The following PCDHA12 variants were observed in gnomAD, a reference collection of about 807,000 sequenced individuals.
PCDHA12 encodes the protein protocadherin alpha-12.
In PCDHA12, 44 loss-of-function variants were observed where a neutral mutation model predicts 60.0. The ratio of observed to expected loss-of-function variants is 0.73; its 90% confidence interval spans 0.58 to 0.94. The LOEUF (loss-of-function observed/expected upper bound fraction) is 0.94. Among genes scored for constraint, PCDHA12 ranks in the 40% least tolerant of loss-of-function variants. PCDHA12 has a pLI of 0.00. For synonymous variants in PCDHA12, 569 were observed against 553.0 expected (o/e 1.03, Z -0.40); for missense variants, 1,276 against 1,239.7 (o/e 1.03, Z -0.44).
intron 1 of PCDHA12, among the ~76,000 whole-genome samples, chr5:140,918,404 T>C (rs2078676215): frequency 6.6e-6 from 1 of 152,196 alleles, no homozygotes; most frequent in Admixed American, 6.5e-5. Context: ...CTGATTTCTC[T>C]GGCCAGGACT....
In PCDHA12 at chr5:140,877,388, A is replaced by G. The variant is rs1186041410; in HGVS notation, c.1916A>G (p.Glu639Gly). Residue 639 changes from glutamate to glycine, a missense_variant, in exon 1 of 4, where the codon GAG becomes GGG. Coordinates refer to ENST00000398631, the MANE Select transcript of PCDHA12 (RefSeq NM_018903.4). ...ATCAGCACGACACGCATCCTGGATG[A>G]GGCGGACGCTCCGCGCCACCGCCTG... ...GEISTTRILDEADAPRHRLLV... is the reference protein window; with the variant it reads ...GEISTTRILDGADAPRHRLLV... 8.7e-6 allele frequency: 14 copies of G among 1,613,802 alleles called. No individual in the cohort carries two copies. The highest frequency in any genetic ancestry group is 1.2e-5 in the Non-Finnish European group (14 of 1,179,884).
In PCDHA12 at chr5:140,906,570, T is replaced by C. The variant is rs371493282; in HGVS notation, c.2367+28731T>C. ...TGCAACTGGTTGTGTGGTTCATAGCTGGTATTGATGACTACCTTCCTCTAC... is the reference window on the plus strand; with the variant it reads ...TGCAACTGGTTGTGTGGTTCATAGCCGGTATTGATGACTACCTTCCTCTAC... On this transcript the variant is annotated intron_variant, in intron 1 of 3. Coordinates refer to ENST00000398631, the MANE Select transcript of PCDHA12 (RefSeq NM_018903.4). 1.7e-4 allele frequency among the ~76,000 whole-genome samples: 26 copies of C among 152,230 alleles called. No homozygotes were observed. In the East Asian group the frequency reaches 2.1e-3, roughly 12 times the overall value.
At chr5:140,911,258 T>C (rs265316) in intron 1 of PCDHA12, among the ~76,000 whole-genome samples, 87,913 of 151,980 alleles carry the variant, frequency 0.58, 26,381 homozygotes, top group African/African-American at 0.75. Flanking sequence ...TCAGAATTTA[T>C]AATCTCAGTG....
intron 1 of PCDHA12, chr5:140,926,624 G>A (rs2083414676): frequency 5.0e-6 from 2 of 400,148 alleles, no homozygotes; most frequent in Admixed American, 8.6e-5. Context: ...CCTAGGCGGC[G>A]CTGCGCTCCT....
At chr5:141,000,415 A>AT (rs1563651650) in intron 3 of PCDHA12, among the ~76,000 whole-genome samples, 6 of 87,394 alleles carry the variant, frequency 6.9e-5, no homozygotes, top group African/African-American at 1.5e-4. Flanking sequence ...ATATATATAT[A>AT]TATATATTTT....
intron 3 of PCDHA12, among the ~76,000 whole-genome samples, chr5:141,002,161 G>T (rs1554258540): frequency 6.6e-6 from 1 of 152,208 alleles, no homozygotes; most frequent in Non-Finnish European, 1.5e-5. Flanking sequence ...CAGAGTGGGC[G>T]GTAGGCAGGC....
rs782333249 is a variant in PCDHA12 at position 140,978,931 on chromosome 5, CTCTT to C, written c.2368-16_2368-13del. On this transcript the variant is annotated splice_polypyrimidine_tract_variant and intron_variant, in intron 1 of 3. Coordinates refer to ENST00000398631, the MANE Select transcript of PCDHA12 (RefSeq NM_018903.4). ...TGTCTTGTCATTTTAACAGAAAACTCTCTTTGTGATTTTGCAGCCACGACAGCCC... is the reference window on the plus strand; with the variant it reads ...TGTCTTGTCATTTTAACAGAAAACTCTGTGATTTTGCAGCCACGACAGCCC... 4.3e-6 allele frequency: 7 copies of C among 1,614,126 alleles called. No individual in the cohort carries two copies. The Admixed American group carries it at 6.7e-5, about 15-fold the overall frequency.
At chr5:140,982,348 T>A (rs1253085859) in intron 2 of PCDHA12, 127 bp from the exon 3 acceptor site, 1 of 1,496,080 alleles carries the variant, frequency 6.7e-7, no homozygotes, top group East Asian at 2.4e-5. Flanking sequence ...TTGCTTCAGT[T>A]CAAGCATGAG....
At chr5:140,913,810 T>C (rs2076475017) in intron 1 of PCDHA12, among the ~76,000 whole-genome samples, 1 of 152,224 alleles carries the variant, frequency 6.6e-6, no homozygotes, top group South Asian at 2.1e-4. Context: ...AAATTTTCAA[T>C]TTCCTTTTAA....
intron 1 of PCDHA12, chr5:140,927,524 C>G (rs781824669): frequency 1.2e-6 from 2 of 1,614,104 alleles, no homozygotes; most frequent in Admixed American, 1.7e-5. Flanking sequence ...GGCGGGCTAC[C>G]TGCCCGCTCA....
At chr5:140,955,477 C>T (rs1401684156) in intron 1 of PCDHA12, among the ~76,000 whole-genome samples, 2 of 152,128 alleles carry the variant, frequency 1.3e-5, no homozygotes, top group African/African-American at 4.8e-5. Context: ...CTTGGCACCT[C>T]TCCTTCCTGC....
chr5:141,000,371 CT>C (rs2153963893), intron 3 of PCDHA12, among the ~76,000 whole-genome samples: 1 of 49,262 alleles, frequency 2.0e-5, no homozygotes, highest in East Asian at 6.6e-4. Context: ...GTCTCTCTCT[CT>C]CTCTCTCTCT....
intron 1 of PCDHA12, chr5:140,928,280 C>T (rs781831365): frequency 6.2e-7 from 1 of 1,614,076 alleles, no homozygotes; most frequent in African/African-American, 1.3e-5. Context: ...CCTGGGGCCT[C>T]TCTAGGCCGA....
At chr5:141,005,303 A>T (rs2098205194) in intron 3 of PCDHA12, among the ~76,000 whole-genome samples, 2 of 152,212 alleles carry the variant, frequency 1.3e-5, no homozygotes, top group Non-Finnish European at 2.9e-5. Context: ...TGCCTTTGTG[A>T]ATCTTACAGT....
chr5:140,898,275 T>C (rs13181478), intron 1 of PCDHA12, among the ~76,000 whole-genome samples: 1 of 152,166 alleles, frequency 6.6e-6, no homozygotes, highest in Non-Finnish European at 1.5e-5. Context: ...ATGCCTAAGT[T>C]CTGAATGGTA....
At chr5:140,943,717 T>A (rs1269511670) in intron 1 of PCDHA12, among the ~76,000 whole-genome samples, 1 of 152,108 alleles carries the variant, frequency 6.6e-6, no homozygotes, top group Non-Finnish European at 1.5e-5. Context: ...CATTTAAAGG[T>A]CTGAGAGAAT....
At position 140,876,192 on chromosome 5, in the gene PCDHA12, G is replaced by A. The variant is rs782181168; in HGVS notation, c.720G>A (p.Pro240=). The A allele has an allele frequency of 3.7e-6, 6 of 1,613,732 alleles. No homozygotes were observed. The highest frequency in any genetic ancestry group is 1.3e-5 in the African/African-American group (1 of 74,880). The change falls in exon 1 of 4, where the codon CCG becomes CCA. Residue 240 remains proline, a synonymous_variant. Transcript: ENST00000398631. ...TCCTGGATGTGAATGACAATGGTCC[G>A]GCGTTTGATAAGCCCAGCTATAAAG... is the stretch of plus-strand genomic sequence containing the variant. ...ITVLDVNDNG[P]AFDKPSYKVV...
At chr5:140,986,981 A>G (rs1180752989) in intron 3 of PCDHA12, among the ~76,000 whole-genome samples, 1 of 152,146 alleles carries the variant, frequency 6.6e-6, no homozygotes, top group Non-Finnish European at 1.5e-5. Flanking sequence ...TGGGAGGCCA[A>G]GGCAGGCAGA....
intron 3 of PCDHA12, among the ~76,000 whole-genome samples, chr5:141,000,403 A>G (rs1233777704): frequency 4.8e-5 from 4 of 84,110 alleles, no homozygotes; most frequent in Non-Finnish European, 9.0e-5. Context: ...CTCTATATAT[A>G]TATATATATA....
Sources: gnomAD v4.1 joint callset for allele counts (sites outside exome capture counted in the v4.1 genomes callset) on GRCh38, gnomAD v4.1.1 for gene constraint, MANE v1.5 for transcripts, NCBI Gene and HGNC (gene_info 2026-07-23, HGNC 2026-07-21) for gene names.